Variants in SLC2A12 observed in about 807,000 individuals in gnomAD.
The protein encoded by SLC2A12 is solute carrier family 2, facilitated glucose transporter member 12.
A neutral mutation model predicts 41.8 loss-of-function variants in SLC2A12; 23 were observed. That is an observed-to-expected ratio of 0.55 (90% CI 0.40 to 0.78). SLC2A12 has a LOEUF of 0.78. Among genes scored for constraint, SLC2A12 ranks in the 30% least tolerant of loss-of-function variants. The pLI is 0.00. For synonymous variants in SLC2A12, 295 were observed against 285.9 expected (o/e 1.03, Z -0.32); for missense variants, 654 against 745.6 (o/e 0.88, Z 1.43).
intron 1 of SLC2A12, among the ~76,000 whole-genome samples, chr6:134,045,047 CAT>C (rs1484492245): frequency 1.3e-5 from 2 of 152,172 alleles, no homozygotes; most frequent in East Asian, 1.9e-4. Flanking sequence ...TGTGATCCCT[CAT>C]GTGTAGGCTG....
intron 2 of SLC2A12, among the ~76,000 whole-genome samples, chr6:134,012,789 TA>T (rs1341784037): frequency 6.6e-6 from 1 of 152,022 alleles, no homozygotes; most frequent in Non-Finnish European, 1.5e-5. Context: ...GCAACATAAC[TA>T]GGCTCTGTCT....
At chr6:134,049,340 G>A (rs1309401466) in intron 1 of SLC2A12, among the ~76,000 whole-genome samples, 2 of 152,196 alleles carry the variant, frequency 1.3e-5, no homozygotes, top group African/African-American at 2.4e-5. Flanking sequence ...ACAGTTGGGG[G>A]TGAAGGGAAA....
intron 1 of SLC2A12, among the ~76,000 whole-genome samples, chr6:134,035,171 A>C (rs920493511): frequency 7.2e-6 from 1 of 139,438 alleles, no homozygotes; most frequent in African/African-American, 2.8e-5. Flanking sequence ...AAAAAAAAAA[A>C]AAACTGTGTG....
intron 4 of SLC2A12, among the ~76,000 whole-genome samples, chr6:133,997,631 G>A (rs1202988432): frequency 6.6e-6 from 1 of 152,142 alleles, no homozygotes; most frequent in Non-Finnish European, 1.5e-5. Flanking sequence ...GGCAAAAATA[G>A]ACACTGAGAC....
chr6:134,039,996 T>C (rs1777358651), intron 1 of SLC2A12, among the ~76,000 whole-genome samples: 1 of 152,070 alleles, frequency 6.6e-6, no homozygotes, highest in African/African-American at 2.4e-5. Flanking sequence ...ACCTGCAGAA[T>C]GGTAAGCCAG....
At chr6:134,045,932 T>C (rs572247258) in intron 1 of SLC2A12, among the ~76,000 whole-genome samples, 2 of 152,222 alleles carry the variant, frequency 1.3e-5, no homozygotes, top group African/African-American at 4.8e-5. Flanking sequence ...AGTACCTACA[T>C]AATTGGGCTT....
At chr6:134,021,199 T>G (rs376189218) in intron 2 of SLC2A12, among the ~76,000 whole-genome samples, 1 of 152,186 alleles carries the variant, frequency 6.6e-6, no homozygotes, top group African/African-American at 2.4e-5. Context: ...TCTAGCTTAC[T>G]TAGTTCCTAG....
chr6:134,047,661 T>C (rs975531363), intron 1 of SLC2A12, among the ~76,000 whole-genome samples: 6 of 152,332 alleles, frequency 3.9e-5, no homozygotes, highest in African/African-American at 1.4e-4. Flanking sequence ...TCAGGTCCTA[T>C]CAGCTACCAC....
At chr6:134,048,802 A>G (rs1773626713) in intron 1 of SLC2A12, among the ~76,000 whole-genome samples, 1 of 152,184 alleles carries the variant, frequency 6.6e-6, no homozygotes, top group Non-Finnish European at 1.5e-5. Context: ...GCCCAAGGTA[A>G]CTGGCCTCTT....
intron 2 of SLC2A12, among the ~76,000 whole-genome samples, chr6:134,027,592 G>A (rs1777132315): frequency 6.6e-6 from 1 of 152,038 alleles, no homozygotes; most frequent in African/African-American, 2.4e-5. Flanking sequence ...TTTCTAGTGA[G>A]GCGTACAAAA....
chr6:134,023,158 G>A (rs1186740049), intron 2 of SLC2A12, among the ~76,000 whole-genome samples: 3 of 152,108 alleles, frequency 2.0e-5, no homozygotes, highest in East Asian at 3.9e-4. Context: ...TCTTTGCTTC[G>A]GAGAGTTGGT....
rs1402090011 is a variant in SLC2A12, at chr6:133,987,965, C to G, written c.*3190G>C. ...TTGGACCTTTGTTTTTCTGGAAAGACTCAACACCTGTAGTTGTAGAGAAGT... is the reference window on the plus strand; with the variant it reads ...TTGGACCTTTGTTTTTCTGGAAAGAGTCAACACCTGTAGTTGTAGAGAAGT... On this transcript the variant is annotated 3_prime_UTR_variant, in exon 5 of 5. Coordinates refer to ENST00000275230, the MANE Select transcript of SLC2A12 (RefSeq NM_145176.3). The G allele has an allele frequency of 1.3e-5, 2 of 152,078 alleles. No individual in the cohort carries two copies. The highest frequency in any genetic ancestry group is 4.8e-5 in the African/African-American group (2 of 41,400). 9.4% of individuals were successfully genotyped at this position (152,078 alleles called of 1,614,324 possible).
chr6:133,996,037 T>G (rs1776682661), intron 4 of SLC2A12, among the ~76,000 whole-genome samples: 1 of 152,216 alleles, frequency 6.6e-6, no homozygotes, highest in Non-Finnish European at 1.5e-5. Context: ...AAGTAGTCCT[T>G]TAGTCACTTA....
At chr6:134,042,845 T>C (rs893498354) in intron 1 of SLC2A12, among the ~76,000 whole-genome samples, 1 of 152,084 alleles carries the variant, frequency 6.6e-6, no homozygotes, top group Non-Finnish European at 1.5e-5. Flanking sequence ...CGTGCACCTG[T>C]AATCCCAGCT....
At chr6:133,998,204 G>C (rs182456745) in intron 4 of SLC2A12, among the ~76,000 whole-genome samples, 1 of 152,090 alleles carries the variant, frequency 6.6e-6, no homozygotes, top group Non-Finnish European at 1.5e-5. Context: ...AATAAGTTCT[G>C]TTGGGTTTTA....
At chr6:134,040,066 TTTTTTG>T (rs1247925956) in intron 1 of SLC2A12, among the ~76,000 whole-genome samples, 5 of 146,998 alleles carry the variant, frequency 3.4e-5, no homozygotes, top group African/African-American at 1.1e-4. Flanking sequence ...TTGTTTTTTT[TTTTTTG>T]TTTTTTGTTT....
chr6:134,029,445 C>G lies in SLC2A12; in HGVS notation c.380G>C (p.Ser127Thr). 1.2e-6 allele frequency: 2 copies of G among 1,614,108 alleles called. No individual in the cohort carries two copies. The highest frequency in any genetic ancestry group is 1.7e-6 in the Non-Finnish European group (2 of 1,180,024). The change falls in exon 2 of 5, where the codon AGT becomes ACT. Residue 127 changes from serine (S) to threonine (T), a missense_variant. Physicochemically the swap from Ser to Thr is moderately conservative, Grantham distance 58. Transcript: ENST00000275230. The part of the protein sequence containing the change: ...LGLGSLVLIL[S>T]LSYTVLIVGR... ...CACTATAAGAACCGTGTAGGATAAA[C>G]TGAGGATCAAGACTAAGCTTCCGAG...
intron 4 of SLC2A12, among the ~76,000 whole-genome samples, chr6:134,000,307 T>C (rs1776740012): frequency 6.6e-6 from 1 of 152,172 alleles, no homozygotes; most frequent in Non-Finnish European, 1.5e-5. Context: ...CATCTAAAAG[T>C]GTATAAAGCA....
intron 2 of SLC2A12, among the ~76,000 whole-genome samples, chr6:134,020,709 G>A (rs189332302): frequency 8.5e-5 from 13 of 152,142 alleles, no homozygotes; most frequent in Non-Finnish European, 1.8e-4. Context: ...GATGTGATTT[G>A]GATTCCTGCC....
Sources: gnomAD v4.1 joint callset for allele counts (sites outside exome capture counted in the v4.1 genomes callset) on GRCh38, gnomAD v4.1.1 for gene constraint, MANE v1.5 for transcripts, NCBI Gene and HGNC (gene_info 2026-07-23, HGNC 2026-07-21) for gene names.